Variants in ABCG2 observed in about 807,000 individuals in gnomAD.
ABCG2 encodes ATP binding cassette subfamily G member 2 (JR blood group).
Under a neutral mutation model 73.5 loss-of-function variants are expected in ABCG2, and 80 were observed. That is an observed-to-expected ratio of 1.09 (90% CI 0.91 to 1.31). The LOEUF (loss-of-function observed/expected upper bound fraction) is 1.31, where lower values mean the gene tolerates loss of function less well. Among genes scored for constraint, ABCG2 ranks in the 50% most tolerant of loss-of-function variants. The pLI is 0.00. For missense variants in ABCG2, 796 were observed against 786.2 expected (o/e 1.01, Z -0.15); for synonymous variants, 269 against 282.4 (o/e 0.95, Z 0.48).
At chr4:88,103,207 C>A (rs987315131) in intron 10 of ABCG2, among the ~76,000 whole-genome samples, 4 of 152,176 alleles carry the variant, frequency 2.6e-5, no homozygotes, top group Admixed American at 2.6e-4. Flanking sequence ...AATTTCAGAA[C>A]ATGGAACATA....
At position 88,113,386 on chromosome 4, in the gene ABCG2, T is replaced by C; in HGVS notation, c.1111A>G (p.Thr371Ala). Reference sequence around the variant, plus strand: ...CATCTGAGTTGATGACAGAAGGAGGTGGTGTAGCTGATCTCCTTGAAGACT... The same window carrying C: ...CATCTGAGTTGATGACAGAAGGAGGCGGTGTAGCTGATCTCCTTGAAGACT... The part of the protein sequence containing the change: ...ITVFKEISYT[T>A]SFCHQLRWVS... The change falls in exon 9 of 16, where the codon ACC (threonine) becomes GCC (alanine). Residue 371 changes from threonine to alanine, a missense_variant. By Grantham distance (58) the Thr-to-Ala change is moderately conservative. Transcript: ENST00000237612. The C allele has an allele frequency of 1.2e-6, 2 of 1,614,010 alleles. No individual in the cohort carries two copies. Among genetic ancestry groups the C allele is most frequent in the Non-Finnish European group, 1.7e-6 (2 of 1,179,994 alleles).
chr4:88,118,351 G>C, intron 6 of ABCG2, 91 bp from the exon 7 acceptor site: 1 of 1,376,832 alleles, frequency 7.3e-7, no homozygotes, highest in Non-Finnish European at 9.9e-7. Context: ...TAGATTGTTT[G>C]CTCTAGTTCA....
At chr4:88,113,758 C>T (rs896665147) in intron 8 of ABCG2, among the ~76,000 whole-genome samples, 3 of 151,412 alleles carry the variant, frequency 2.0e-5, no homozygotes, top group Non-Finnish European at 4.4e-5. Context: ...GTCAGGAGTT[C>T]GAGACCAGCC....
intron 1 of ABCG2, chr4:88,223,909 G>T (rs568049654): frequency 6.6e-6 from 1 of 151,916 alleles, no homozygotes; most frequent in Admixed American, 6.6e-5. Flanking sequence ...ATCCTTATTG[G>T]GGTAAAGTGG....
At chr4:88,177,155 AAGG>A (rs1203083472) in intron 1 of ABCG2, among the ~76,000 whole-genome samples, 2 of 152,070 alleles carry the variant, frequency 1.3e-5, no homozygotes, top group Non-Finnish European at 2.9e-5. Flanking sequence ...GGCGGATCGC[AAGG>A]TCAGGAGATC....
chr4:88,098,908 T>C (rs923803428), intron 12 of ABCG2, among the ~76,000 whole-genome samples: 4 of 152,182 alleles, frequency 2.6e-5, no homozygotes, highest in African/African-American at 7.2e-5. Context: ...GCCAGGAGTA[T>C]AAGACCAGCA....
chr4:88,163,453 G>A (rs1727393259), upstream of ABCG2: 2 of 161,164 alleles, frequency 1.2e-5, no homozygotes, highest in South Asian at 1.7e-4. Flanking sequence ...AGAAAGAAAG[G>A]GTTATTGGTA....
chr4:88,200,471 A>C (rs749399090), intron 1 of ABCG2, among the ~76,000 whole-genome samples: 4 of 150,778 alleles, frequency 2.7e-5, no homozygotes, highest in Admixed American at 6.6e-5. Context: ...GTGTAGCCAA[A>C]AGATGTTCTT....
intron 6 of ABCG2, 92 bp from the exon 7 acceptor site, chr4:88,118,352 C>T (rs1356214097): frequency 7.3e-7 from 1 of 1,375,368 alleles, no homozygotes; most frequent in Non-Finnish European, 9.9e-7. Flanking sequence ...AGATTGTTTG[C>T]TCTAGTTCAG....
At chr4:88,149,435 C>A (rs1005332680) in intron 1 of ABCG2, among the ~76,000 whole-genome samples, 2 of 152,192 alleles carry the variant, frequency 1.3e-5, no homozygotes, top group African/African-American at 4.8e-5. Flanking sequence ...CCTAAGGCTG[C>A]CCATAAAATG....
intron 1 of ABCG2, among the ~76,000 whole-genome samples, chr4:88,166,616 T>A (rs1432126748): frequency 6.6e-6 from 1 of 152,176 alleles, no homozygotes; most frequent in Non-Finnish European, 1.5e-5. Context: ...AGGCCCCTAC[T>A]ACTTGGGATG....
intron 1 of ABCG2, among the ~76,000 whole-genome samples, chr4:88,144,632 T>G (rs1441297862): frequency 6.6e-6 from 1 of 151,992 alleles, no homozygotes; most frequent in Non-Finnish European, 1.5e-5. Context: ...ATTTTTGTAT[T>G]TTTAGTAGAG....
chr4:88,115,256 C>CTCTCTCTCTCTCTCTCTCTCTCTCTATA (rs1309360818), intron 7 of ABCG2, among the ~76,000 whole-genome samples, 198 bp from the exon 8 acceptor site: 152 of 69,778 alleles, frequency 2.2e-3, no homozygotes, highest in African/African-American at 6.5e-3. Flanking sequence ...CTCTCTCTCT[C>CTCTCTCTCTCTCTCTCTCTCTCTCTATA]TATATATATA....
At chr4:88,225,090 C>A (rs893382725) in intron 1 of ABCG2, among the ~76,000 whole-genome samples, 1 of 152,130 alleles carries the variant, frequency 6.6e-6, no homozygotes, top group Non-Finnish European at 1.5e-5. Context: ...ACTGTAACTT[C>A]ATTGAGGGTA....
chr4:88,112,111 A>G (rs1055838644), intron 9 of ABCG2, among the ~76,000 whole-genome samples: 4 of 152,060 alleles, frequency 2.6e-5, no homozygotes, highest in African/African-American at 9.7e-5. Context: ...GTGTAAAGAA[A>G]AGAATAACAA....
At chr4:88,095,844 C>T (rs1447876788) in intron 13 of ABCG2, among the ~76,000 whole-genome samples, 2 of 152,166 alleles carry the variant, frequency 1.3e-5, no homozygotes, top group Non-Finnish European at 1.5e-5. Flanking sequence ...ATATCTAATA[C>T]ATATTAGATA....
intron 14 of ABCG2, 45 bp downstream of exon 14, chr4:88,095,475 C>A: frequency 6.5e-7 from 1 of 1,527,342 alleles, no homozygotes. Flanking sequence ...TTCCATTGTT[C>A]CTAGCTTGGG....
At chr4:88,154,138 G>A (rs1726755421) in intron 1 of ABCG2, among the ~76,000 whole-genome samples, 1 of 152,148 alleles carries the variant, frequency 6.6e-6, no homozygotes, top group Non-Finnish European at 1.5e-5. Flanking sequence ...CCAATGCGAA[G>A]AAGAAAAACT....
chr4:88,115,621 CAAAAA>C (rs34465562), intron 7 of ABCG2, among the ~76,000 whole-genome samples: 3 of 107,940 alleles, frequency 2.8e-5, no homozygotes, highest in Admixed American at 1.0e-4. Context: ...GTCTCTGGGC[CAAAAA>C]AAAAAAAAAA....
Sources: allele counts gnomAD v4.1 joint callset (sites outside exome capture counted in the v4.1 genomes callset), GRCh38; gene constraint gnomAD v4.1.1; transcripts MANE v1.5; gene names NCBI Gene and HGNC (gene_info 2026-07-23, HGNC 2026-07-21).